EPAS1: variants seen among roughly 807,000 people sequenced by gnomAD.
EPAS1 encodes the protein endothelial PAS domain protein 1.
EPAS1 carries 23 observed loss-of-function variants against 87.9 expected under a neutral mutation model. The ratio of observed to expected loss-of-function variants is 0.26; its 90% confidence interval spans 0.19 to 0.37. The LOEUF (loss-of-function observed/expected upper bound fraction) is 0.37. Ranked by LOEUF, EPAS1 falls within the 10% of genes least tolerant of loss-of-function variation. The pLI, the probability that EPAS1 is intolerant of heterozygous loss-of-function variation, is 1.00. For synonymous variants in EPAS1, 508 were observed against 444.3 expected (o/e 1.14, Z -1.80); for missense variants, 1,138 against 1,120.7 (o/e 1.02, Z -0.22).
chr2:46,382,528 CA>C lies in EPAS1; in HGVS notation c.2392del (p.Arg798GlyfsTer42). On this transcript the variant is annotated frameshift_variant, in exon 15 of 16. Coordinates refer to ENST00000263734, the MANE Select transcript of EPAS1 (RefSeq NM_001430.5). LOFTEE classifies it high-confidence loss of function. ...TCAGTCCCGGGGAGAACAGCAAGAG[CA>C]GGTTCCCCCCACAGTGCTACGCCAC... is the stretch of plus-strand genomic sequence containing the variant. ...AISPGENSKS[R>X]FPPQCYATQY... 6.2e-7 allele frequency: 1 copy of C among 1,614,188 alleles called. No homozygotes were observed.
chr2:46,332,144 G>A (rs1683688703), intron 1 of EPAS1, among the ~76,000 whole-genome samples: 1 of 152,126 alleles, frequency 6.6e-6, no homozygotes, highest in South Asian at 2.1e-4. Context: ...AGGCTGTGGG[G>A]TGTGCTCTGC....
chr2:46,367,986 C>T (rs998049273), intron 6 of EPAS1, among the ~76,000 whole-genome samples: 1 of 152,138 alleles, frequency 6.6e-6, no homozygotes, highest in Admixed American at 6.5e-5. Flanking sequence ...ATCCTTAGTG[C>T]CCAGGTTCCT....
intron 1 of EPAS1, among the ~76,000 whole-genome samples, chr2:46,330,389 A>G (rs1281433877): frequency 6.6e-6 from 1 of 152,176 alleles, no homozygotes; most frequent in East Asian, 1.9e-4. Context: ...CCCTGAACTG[A>G]GGCTCTCTCA....
chr2:46,381,029 G>A (rs2103674619), intron 12 of EPAS1: 1 of 445,524 alleles, frequency 2.2e-6, no homozygotes, highest in East Asian at 4.3e-5. Context: ...GAGCCACACA[G>A]AAAATTGAGT....
chr2:46,356,350 G>C, intron 3 of EPAS1, 48 bp downstream of exon 3: 2 of 1,612,122 alleles, frequency 1.2e-6, no homozygotes, highest in Non-Finnish European at 1.7e-6. Context: ...TTTCCATTTG[G>C]GGGTAGAAAT....
Position 46,384,413 on chromosome 2 carries a change from G to A in EPAS1, c.2462-96G>A, listed in dbSNP as rs537937247. Reference sequence around the variant, plus strand: ...CACTGAAGGAGCAGAGTGAAATTAGGGCTGCTCTATTGGTATCCCCCAGTC... The same window carrying A: ...CACTGAAGGAGCAGAGTGAAATTAGAGCTGCTCTATTGGTATCCCCCAGTC... On this transcript the variant is annotated intron_variant, in intron 15 of 15. Transcript: ENST00000263734. 5.8e-6 allele frequency: 9 copies of A among 1,541,360 alleles called. No homozygotes were observed. In the South Asian group the frequency reaches 1.0e-4, roughly 17 times the overall value.
rs1171773432 is a variant in EPAS1, at chr2:46,328,326, C to T, written c.27-18547C>T. Among the ~76,000 whole-genome samples the T allele has an allele frequency of 2.0e-5, 3 of 152,190 alleles. No homozygotes were observed. In the East Asian group the frequency reaches 5.8e-4, roughly 29 times the overall value. On this transcript the variant is annotated intron_variant, in intron 1 of 15. Coordinates refer to ENST00000263734, the MANE Select transcript of EPAS1 (RefSeq NM_001430.5). ...AGGTGGAGGCATTAAGTACTTCTGT[C>T]CCCATGACCAGTTCCCCCATACCAC...
rs1451224752 is a variant in EPAS1 at position 46,346,818 on chromosome 2, G to A, written c.27-55G>A. 1.3e-5 allele frequency: 20 copies of A among 1,598,050 alleles called. No homozygotes were observed. Among genetic ancestry groups the A allele is most frequent in the East Asian group, 9.0e-5 (4 of 44,520 alleles). On this transcript the variant is annotated intron_variant, in intron 1 of 15. Transcript: ENST00000263734. This position sits in a 1 kb window ranked among gnomAD's most constrained non-coding sequence, Gnocchi z 4.0. The stretch of plus-strand genomic sequence containing the variant: ...GGGCCATGGGGATGTCCTGGCCAGA[G>A]GTATGATAGGCTGACAGTAACCTTT...
intron 1 of EPAS1, among the ~76,000 whole-genome samples, chr2:46,299,186 C>A (rs1682945884): frequency 6.6e-6 from 1 of 152,250 alleles, no homozygotes. Flanking sequence ...AACCGTGTAT[C>A]CTCCGGTCGA....
At position 46,380,613 on chromosome 2, in the gene EPAS1, TGGGCCCACAAAGTGG is replaced by T. The variant is rs754411258; in HGVS notation, c.1943_1957del (p.Gly648_Trp652del). ...GGCCCCCAGATCCACCATTACATTTTGGGCCCACAAAGTGGGCCGTCGGGGATCAGCGCACAGAGT... is the reference window on the plus strand; with the variant it reads ...GGCCCCCAGATCCACCATTACATTTTGCCGTCGGGGATCAGCGCACAGAGT... On this transcript the variant is annotated inframe_deletion, in exon 12 of 16. Transcript: ENST00000263734. This position sits in a 1 kb window ranked among gnomAD's most constrained non-coding sequence, Gnocchi z 4.4. 1 of 1,614,060 alleles carries T rather than the reference TGGGCCCACAAAGTGG, an allele frequency of 6.2e-7. No homozygotes were observed. Among genetic ancestry groups the T allele is most frequent in the South Asian group, 1.1e-5 (1 of 91,076 alleles).
intron 12 of EPAS1, 194 bp from the exon 13 acceptor site, chr2:46,381,402 T>G: frequency 2.8e-5 from 22 of 797,488 alleles, no homozygotes; most frequent in Non-Finnish European, 4.1e-5. Context: ...CCCTTCAGCA[T>G]CTTATAGCTG....
chr2:46,349,534 G>A (rs1002356860), intron 2 of EPAS1, among the ~76,000 whole-genome samples: 3 of 152,200 alleles, frequency 2.0e-5, no homozygotes, highest in East Asian at 1.9e-4. Flanking sequence ...GGCTGGGCTC[G>A]GCCCTAGACC....
intron 1 of EPAS1, among the ~76,000 whole-genome samples, chr2:46,342,229 G>A (rs185535925): frequency 1.3e-5 from 2 of 152,252 alleles, no homozygotes; most frequent in Admixed American, 6.5e-5. Context: ...TTAAGTATGG[G>A]GACCAGTGAC....
chr2:46,364,350 T>C (rs1356720683), intron 6 of EPAS1, among the ~76,000 whole-genome samples: 1 of 152,186 alleles, frequency 6.6e-6, no homozygotes, highest in African/African-American at 2.4e-5. Context: ...TTGGTACTTG[T>C]CTTATATATA....
Position 46,375,178 on chromosome 2 carries a change from GAAAAAAAAAAAC to G in EPAS1, c.887-502_887-491del, listed in dbSNP as rs1684711570. Among the ~76,000 whole-genome samples the G allele has an allele frequency of 8.5e-6, 1 of 117,540 alleles. No homozygotes were observed. The highest frequency in any genetic ancestry group is 2.9e-4 in the South Asian group (1 of 3,456). 77.1% of individuals were successfully genotyped at this position (117,540 alleles called of 152,430 possible). On this transcript the variant is annotated intron_variant, in intron 7 of 15. Transcript: ENST00000263734. This position sits in a 1 kb window ranked among gnomAD's most constrained non-coding sequence, Gnocchi z 4.1. ...GCAGGGTATTGGTGGTGGGTCTGCT[GAAAAAAAAAAAC>G]AAAAAAAAACAAAAAAAACTGCCCT...
At chr2:46,299,565 C>T (rs1309043032) in intron 1 of EPAS1, among the ~76,000 whole-genome samples, 2 of 152,210 alleles carry the variant, frequency 1.3e-5, no homozygotes, top group African/African-American at 2.4e-5. Context: ...ATAGACAGCG[C>T]CTGCAGACGC....
chr2:46,331,091 C>T (rs1314964375), intron 1 of EPAS1, among the ~76,000 whole-genome samples: 1 of 152,216 alleles, frequency 6.6e-6, no homozygotes, highest in African/African-American at 2.4e-5. Context: ...CACAGAGGCT[C>T]TGTAAGGCAG....
intron 14 of EPAS1, 24 bp from the exon 15 acceptor site, chr2:46,382,401 C>A (rs1224971372): frequency 3.1e-6 from 5 of 1,613,940 alleles, no homozygotes; most frequent in Non-Finnish European, 8.5e-7. Context: ...ATGCTACCGT[C>A]ACTCTCTGAC....
intron 2 of EPAS1, among the ~76,000 whole-genome samples, chr2:46,351,410 C>G (rs1241914169): frequency 6.6e-5 from 10 of 152,082 alleles, no homozygotes; most frequent in Non-Finnish European, 1.3e-4. Flanking sequence ...CCAGGAAGAT[C>G]AGGAAGGACA....
Sources: allele counts gnomAD v4.1 joint callset (sites outside exome capture counted in the v4.1 genomes callset), GRCh38; gene constraint gnomAD v4.1.1; non-coding constraint Gnocchi (gnomAD v3.1); transcripts MANE v1.5; gene names NCBI Gene and HGNC (gene_info 2026-07-23, HGNC 2026-07-21).